Variants in TMEM132D observed in about 807,000 individuals in gnomAD.
TMEM132D encodes mature OL transmembrane protein.
TMEM132D carries 21 observed loss-of-function variants against 62.3 expected under a neutral mutation model. That is an observed-to-expected ratio of 0.34 (90% CI 0.24 to 0.49). The LOEUF (loss-of-function observed/expected upper bound fraction) is 0.49. Ranked by LOEUF, TMEM132D falls within the 20% of genes least tolerant of loss-of-function variation. TMEM132D has a pLI of 0.99. For synonymous variants in TMEM132D, 621 were observed against 575.6 expected (o/e 1.08, Z -1.13); for missense variants, 1,346 against 1,402.8 (o/e 0.96, Z 0.65).
chr12:129,541,236 A>C (rs1876574441), intron 2 of TMEM132D, among the ~76,000 whole-genome samples: 1 of 152,180 alleles, frequency 6.6e-6, no homozygotes, highest in Admixed American at 6.5e-5. Flanking sequence ...CAGAAGGGAA[A>C]TACGTAGACA....
intron 1 of TMEM132D, among the ~76,000 whole-genome samples, chr12:129,891,587 C>T (rs1264178608): frequency 2.0e-5 from 3 of 152,124 alleles, no homozygotes; most frequent in South Asian, 2.1e-4. Context: ...AACTTGGCAG[C>T]GAAAGCTCTC....
intron 1 of TMEM132D, among the ~76,000 whole-genome samples, chr12:129,724,863 C>G (rs1402103015): frequency 1.3e-5 from 2 of 152,210 alleles, no homozygotes; most frequent in Non-Finnish European, 2.9e-5. Context: ...CAATTTCTTA[C>G]AGCGGCAATA....
chr12:129,853,833 T>G (rs1179441706), intron 1 of TMEM132D: 1 of 151,990 alleles, frequency 6.6e-6, no homozygotes, highest in Non-Finnish European at 1.5e-5. Flanking sequence ...GAGTCTTAGG[T>G]TTGACTCATA....
intron 1 of TMEM132D, among the ~76,000 whole-genome samples, chr12:129,870,068 AG>A (rs1483873360): frequency 6.6e-6 from 1 of 152,188 alleles, no homozygotes; most frequent in East Asian, 1.9e-4. Flanking sequence ...GGCTCACTGC[AG>A]CCTCGAACTC....
intron 4 of TMEM132D, among the ~76,000 whole-genome samples, chr12:129,256,211 T>C (rs767209673): frequency 2.6e-5 from 4 of 151,764 alleles, no homozygotes; most frequent in Non-Finnish European, 5.9e-5. Flanking sequence ...ACTTAGCACA[T>C]ACGATTATAC....
At chr12:129,237,381 G>C (rs935848741) in intron 4 of TMEM132D, among the ~76,000 whole-genome samples, 1 of 152,064 alleles carries the variant, frequency 6.6e-6, no homozygotes, top group African/African-American at 2.4e-5. Context: ...TTTTATACAT[G>C]CTGTAAATTT....
At chr12:129,321,573 T>C (rs921875271) in intron 4 of TMEM132D, among the ~76,000 whole-genome samples, 2 of 152,108 alleles carry the variant, frequency 1.3e-5, no homozygotes, top group Non-Finnish European at 2.9e-5. Flanking sequence ...TTTTTTTTTT[T>C]TGAGACGGAG....
chr12:129,595,956 G>A (rs1273094395), intron 2 of TMEM132D, among the ~76,000 whole-genome samples: 1 of 152,144 alleles, frequency 6.6e-6, no homozygotes, highest in Non-Finnish European at 1.5e-5. Context: ...TGACACACTT[G>A]GGAAGAAGTT....
intron 1 of TMEM132D, among the ~76,000 whole-genome samples, chr12:129,761,875 T>C (rs1020878952): frequency 1.3e-5 from 2 of 152,180 alleles, no homozygotes; most frequent in African/African-American, 2.4e-5. Context: ...TTAATTCTCC[T>C]GACCAGCAGC....
chr12:129,314,198 T>C, intron 4 of TMEM132D, among the ~76,000 whole-genome samples: 1 of 152,220 alleles, frequency 6.6e-6, no homozygotes, highest in Admixed American at 6.5e-5. Flanking sequence ...CCTAAGGCAA[T>C]GTCTAGAAGG....
intron 3 of TMEM132D, among the ~76,000 whole-genome samples, chr12:129,413,988 CAA>C (rs1872042879): frequency 6.6e-6 from 1 of 152,170 alleles, no homozygotes; most frequent in African/African-American, 2.4e-5. Context: ...ACAACCGACA[CAA>C]ATCTATGAGT....
chr12:129,152,097 G>A (rs1413928027), intron 5 of TMEM132D, among the ~76,000 whole-genome samples: 4 of 152,086 alleles, frequency 2.6e-5, no homozygotes, highest in Non-Finnish European at 4.4e-5. Flanking sequence ...AGATGGTCTC[G>A]ATCTCTTGAC....
chr12:129,471,888 C>A (rs1293506882), intron 3 of TMEM132D, among the ~76,000 whole-genome samples: 2 of 152,218 alleles, frequency 1.3e-5, no homozygotes, highest in Admixed American at 6.5e-5. Flanking sequence ...AAAGCCTACT[C>A]CAGAGCAAGG....
intron 2 of TMEM132D, among the ~76,000 whole-genome samples, chr12:129,610,999 C>A (rs1878760696): frequency 6.6e-6 from 1 of 152,146 alleles, no homozygotes; most frequent in Admixed American, 6.5e-5. Flanking sequence ...TCATCAATCC[C>A]CAAACTCATG....
intron 2 of TMEM132D, among the ~76,000 whole-genome samples, chr12:129,636,698 A>ATGTGTGTGTG (rs542826978): frequency 0.064 from 6,867 of 107,512 alleles, 375 homozygotes; most frequent in Non-Finnish European, 0.096. Context: ...TCATACAGAA[A>ATGTGTGTGTG]TGTGTGTGTG....
At position 129,709,181 on chromosome 12, in the gene TMEM132D, T is replaced by C. The variant is rs117312101; in HGVS notation, c.80-8483A>G. Among the ~76,000 whole-genome samples, 449 of 152,288 alleles carry C rather than the reference T, an allele frequency of 2.9e-3. 3 individuals carry two copies. Among genetic ancestry groups the C allele is most frequent in the Non-Finnish European group, 5.2e-3 (356 of 68,024 alleles). Reference sequence around the variant, plus strand: ...ATATGGAACTCAAGAAGAATCATGGTCGGGGTCAAATTTCTGGGAGATGAT... The same window carrying C: ...ATATGGAACTCAAGAAGAATCATGGCCGGGGTCAAATTTCTGGGAGATGAT... On this transcript the variant is annotated intron_variant, in intron 1 of 8. Coordinates refer to ENST00000422113, the MANE Select transcript of TMEM132D (RefSeq NM_133448.3).
chr12:129,137,891 T>G (rs554731403), intron 5 of TMEM132D, among the ~76,000 whole-genome samples: 2 of 85,886 alleles, frequency 2.3e-5, no homozygotes, highest in South Asian at 4.7e-4. Context: ...AAATAAGAGG[T>G]TTTTTTTTTC....
At chr12:129,594,812 T>A (rs1878290464) in intron 2 of TMEM132D, among the ~76,000 whole-genome samples, 2 of 152,174 alleles carry the variant, frequency 1.3e-5, no homozygotes, top group South Asian at 4.1e-4. Flanking sequence ...CCTCTGTACA[T>A]AGTAGGGACT....
At chr12:129,215,340 T>C (rs1168783381) in intron 4 of TMEM132D, among the ~76,000 whole-genome samples, 1 of 152,052 alleles carries the variant, frequency 6.6e-6, no homozygotes, top group Admixed American at 6.6e-5. Flanking sequence ...GGGTGGAGGT[T>C]GGGAGGAGGG....
Sources: allele counts gnomAD v4.1 joint callset (sites outside exome capture counted in the v4.1 genomes callset), GRCh38; gene constraint gnomAD v4.1.1; transcripts MANE v1.5; gene names NCBI Gene and HGNC (gene_info 2026-07-23, HGNC 2026-07-21).